Variants in LGSN observed in about 807,000 individuals in gnomAD.
The protein encoded by LGSN is lengsin.
Under a neutral mutation model 19.5 loss-of-function variants are expected in LGSN, and 21 were observed. That is an observed-to-expected ratio of 1.07 (90% CI 0.76 to 1.55). The LOEUF is 1.55. Ranked by LOEUF, LGSN falls within the 40% of genes most tolerant of loss-of-function variation. The probability of loss-of-function intolerance (pLI) is 0.00; values close to 1 mark genes in which losing one functional copy is unlikely to be tolerated. For missense variants in LGSN, 673 were observed against 608.5 expected (o/e 1.11, Z -1.12); for synonymous variants, 257 against 215.6 (o/e 1.19, Z -1.68).
rs139988588 is a variant in LGSN, at chr6:63,279,756, C to T, written c.*265G>A. 520 of 274,390 alleles carry T rather than the reference C, an allele frequency of 1.9e-3. 4 individuals are homozygous for T. Among genetic ancestry groups the T allele is most frequent in the Non-Finnish European group, 2.4e-3 (348 of 146,796 alleles). 17.0% of individuals were successfully genotyped at this position (274,390 alleles called of 1,614,324 possible). ...AATTGGATATTCTTATCCAGGTCAA[C>T]ATACACATAGGAAATGACTGACAAG... On this transcript the variant is annotated 3_prime_UTR_variant, in exon 4 of 4. Coordinates refer to ENST00000370657, the MANE Select transcript of LGSN (RefSeq NM_016571.3).
chr6:63,325,227 G>A, the LGSN span, among the ~76,000 whole-genome samples: 9 of 151,572 alleles, frequency 5.9e-5, no homozygotes, highest in African/African-American at 1.7e-4. Flanking sequence ...CAAAACTAGT[G>A]CAAGGAAAGA....
At chr6:63,533,237 C>A in the LGSN span, among the ~76,000 whole-genome samples, 4 of 152,058 alleles carry the variant, frequency 2.6e-5, no homozygotes, top group Non-Finnish European at 4.4e-5. Flanking sequence ...CAAAAATTAG[C>A]CAGATGTGGT....
At chr6:63,493,768 AG>A in the LGSN span, among the ~76,000 whole-genome samples, 1 of 152,116 alleles carries the variant, frequency 6.6e-6, no homozygotes, top group Non-Finnish European at 1.5e-5. Flanking sequence ...TCTCTGATTC[AG>A]GTATCAGTTC....
the LGSN span, among the ~76,000 whole-genome samples, chr6:63,501,668 T>C: frequency 6.6e-6 from 1 of 152,128 alleles, no homozygotes; most frequent in Non-Finnish European, 1.5e-5. Context: ...CTAACAAATA[T>C]AACAAAGTAG....
intron 2 of LGSN, among the ~76,000 whole-genome samples, chr6:63,294,506 C>T (rs970697797): frequency 1.3e-5 from 2 of 152,206 alleles, no homozygotes; most frequent in African/African-American, 4.8e-5. Context: ...TTAGCAGTGT[C>T]TCACATCTGT....
At chr6:63,437,140 A>AGG in the LGSN span, among the ~76,000 whole-genome samples, 1 of 40,406 alleles carries the variant, frequency 2.5e-5, no homozygotes. Flanking sequence ...GAAAGAAAGG[A>AGG]GAAAGAAAGA....
chr6:63,432,081 AAAAGAAGGAAAG>A, the LGSN span, among the ~76,000 whole-genome samples: 1 of 127,730 alleles, frequency 7.8e-6, no homozygotes, highest in East Asian at 2.5e-4. Context: ...TCTCGAAAGA[AAAAGAAGGAAAG>A]AAAGAAAGAA....
the LGSN span, among the ~76,000 whole-genome samples, chr6:63,450,047 T>C: frequency 6.6e-6 from 1 of 151,832 alleles, no homozygotes; most frequent in Admixed American, 6.6e-5. Flanking sequence ...CAATTAATAA[T>C]GTCTAAAATT....
At chr6:63,425,501 T>A in the LGSN span, among the ~76,000 whole-genome samples, 1 of 152,190 alleles carries the variant, frequency 6.6e-6, no homozygotes, top group Admixed American at 6.5e-5. Flanking sequence ...TAATACTACT[T>A]AGTGGGGAAA....
At chr6:63,286,959 A>G (rs1393615408) in intron 2 of LGSN, among the ~76,000 whole-genome samples, 1 of 152,226 alleles carries the variant, frequency 6.6e-6, no homozygotes, top group African/African-American at 2.4e-5. Context: ...CTCTAGCCCA[A>G]GTAAATGTTA....
chr6:63,488,617 T>C, the LGSN span, among the ~76,000 whole-genome samples: 2 of 152,122 alleles, frequency 1.3e-5, no homozygotes, highest in Non-Finnish European at 2.9e-5. Flanking sequence ...GGTGTGAATT[T>C]TCATTGTTAT....
the LGSN span, among the ~76,000 whole-genome samples, chr6:63,569,204 T>C: frequency 1.3e-5 from 2 of 152,252 alleles, no homozygotes; most frequent in Non-Finnish European, 2.9e-5. Flanking sequence ...TTTGCCAATC[T>C]TCCTCTGCAC....
the LGSN span, among the ~76,000 whole-genome samples, chr6:63,547,089 C>T: frequency 6.6e-6 from 1 of 152,098 alleles, no homozygotes; most frequent in Non-Finnish European, 1.5e-5. Context: ...CTTTCACAGG[C>T]ACCATTTTGG....
At chr6:63,329,713 A>G in the LGSN span, among the ~76,000 whole-genome samples, 1 of 152,312 alleles carries the variant, frequency 6.6e-6, no homozygotes, top group Non-Finnish European at 1.5e-5. Flanking sequence ...GTAGGGGACA[A>G]CAAATGGGTA....
chr6:63,453,147 G>A, the LGSN span, among the ~76,000 whole-genome samples: 2 of 151,962 alleles, frequency 1.3e-5, no homozygotes, highest in Non-Finnish European at 2.9e-5. Flanking sequence ...TTTGGCCAGA[G>A]AACATACATT....
chr6:63,556,747 A>G, the LGSN span, among the ~76,000 whole-genome samples: 4 of 152,246 alleles, frequency 2.6e-5, no homozygotes, highest in Non-Finnish European at 5.9e-5. Flanking sequence ...ATTTCAAAGA[A>G]TAAAAAGTAT....
the LGSN span, among the ~76,000 whole-genome samples, chr6:63,354,599 C>T: frequency 1.3e-5 from 2 of 151,976 alleles, no homozygotes; most frequent in South Asian, 2.1e-4. Context: ...CTCAAAAAAA[C>T]TAAAAATAGA....
chr6:63,343,114 A>G, the LGSN span, among the ~76,000 whole-genome samples: 2 of 152,218 alleles, frequency 1.3e-5, no homozygotes, highest in Non-Finnish European at 2.9e-5. Context: ...GCCTATTCAT[A>G]TGAGTTATAA....
the LGSN span, among the ~76,000 whole-genome samples, chr6:63,550,020 T>C: frequency 2.6e-5 from 4 of 152,232 alleles, no homozygotes; most frequent in Non-Finnish European, 4.4e-5. Context: ...ATTACTCTGA[T>C]CTAATTAATC....
Sources: allele counts gnomAD v4.1 joint callset (sites outside exome capture counted in the v4.1 genomes callset), GRCh38; gene constraint gnomAD v4.1.1; transcripts MANE v1.5; gene names NCBI Gene and HGNC (gene_info 2026-07-23, HGNC 2026-07-21).